The following CNTNAP2 variants were observed in gnomAD, a reference collection of about 807,000 sequenced individuals.
The protein encoded by CNTNAP2 is contactin associated protein 2.
CNTNAP2 carries 98 observed loss-of-function variants against 155.2 expected under a neutral mutation model. The observed-to-expected ratio is 0.63, with a 90% CI of 0.54 to 0.75. The LOEUF is 0.75. Ranked by LOEUF, CNTNAP2 falls within the 30% of genes least tolerant of loss-of-function variation. The pLI is 0.00. For missense variants in CNTNAP2, 1,727 were observed against 1,688.1 expected (o/e 1.02, Z -0.40); for synonymous variants, 651 against 631.2 (o/e 1.03, Z -0.47).
intron 8 of CNTNAP2, among the ~76,000 whole-genome samples, chr7:147,191,092 G>A (rs1802672252): frequency 6.6e-6 from 1 of 152,124 alleles, no homozygotes; most frequent in Non-Finnish European, 1.5e-5. Context: ...GACTCACCAT[G>A]TACAGTCTAG....
intron 1 of CNTNAP2, among the ~76,000 whole-genome samples, chr7:146,747,750 G>A (rs1801833396): frequency 6.6e-6 from 1 of 151,940 alleles, no homozygotes; most frequent in African/African-American, 2.4e-5. Context: ...AAACAAATAC[G>A]GATTCCTAAA....
chr7:146,686,354 C>T (rs2642490), intron 1 of CNTNAP2, among the ~76,000 whole-genome samples: 121,756 of 152,074 alleles, frequency 0.8, 49,326 homozygotes, highest in South Asian at 0.91. Context: ...TGCGATTGTA[C>T]GTAGCCTGTA....
At chr7:147,566,393 G>A (rs1800171855) in intron 12 of CNTNAP2, among the ~76,000 whole-genome samples, 1 of 150,072 alleles carries the variant, frequency 6.7e-6, no homozygotes, top group Non-Finnish European at 1.5e-5. Context: ...GGGGGATGAG[G>A]AATTAGTCCG....
In CNTNAP2 at chr7:146,395,821, AT is replaced by A. The variant is rs763354007; in HGVS notation, c.97+278849del. On this transcript the variant is annotated intron_variant, in intron 1 of 23. Coordinates refer to ENST00000361727, the MANE Select transcript of CNTNAP2 (RefSeq NM_014141.6). ...GATAGATAGATAGATAGATAGATAG[AT>A]AGAGGAGAGAGAGAGAGAGAGAGAG... Among the ~76,000 whole-genome samples, 1,002 of 136,350 alleles carry A rather than the reference AT, an allele frequency of 7.3e-3. 4 individuals carry two copies. The highest frequency in any genetic ancestry group is 9.8e-3 in the Non-Finnish European group (646 of 66,012). 89.5% of individuals were successfully genotyped at this position (136,350 alleles called of 152,430 possible). A position where few individuals can be genotyped will look rare whatever the true frequency, so the allele number is the denominator to read the frequency against.
Position 148,409,371 on chromosome 7 carries a change from G to A in CNTNAP2, c.3716-20G>A. 8.7e-7 allele frequency: 1 copy of A among 1,147,296 alleles called. No individual in the cohort carries two copies. Among genetic ancestry groups the A allele is most frequent in the Non-Finnish European group, 1.2e-6 (1 of 805,784 alleles). 71.1% of individuals were successfully genotyped at this position (1,147,296 alleles called of 1,614,324 possible). On this transcript the variant is annotated intron_variant, in intron 22 of 23. Coordinates refer to ENST00000361727, the MANE Select transcript of CNTNAP2 (RefSeq NM_014141.6). ...AATAGTATACTTGACTCTGACACTTGACTCTTTCTTTCTCTACAGCCAGTG... is the reference window on the plus strand; with the variant it reads ...AATAGTATACTTGACTCTGACACTTAACTCTTTCTTTCTCTACAGCCAGTG...
chr7:148,074,165 G>A (rs183775857), intron 15 of CNTNAP2, among the ~76,000 whole-genome samples: 172 of 152,262 alleles, frequency 1.1e-3, no homozygotes, highest in Non-Finnish European at 2.0e-3. Flanking sequence ...TTAGATGGTG[G>A]CGTTAGAGTG....
chr7:146,789,599 C>CAAAA (rs35157587), intron 2 of CNTNAP2, among the ~76,000 whole-genome samples: 1 of 122,910 alleles, frequency 8.1e-6, no homozygotes, highest in Non-Finnish European at 1.7e-5. Flanking sequence ...GGGTGGCAGG[C>CAAAA]AAAAAAAAAA....
intron 18 of CNTNAP2, among the ~76,000 whole-genome samples, chr7:148,213,128 C>A (rs1038449142): frequency 1.3e-5 from 2 of 152,166 alleles, no homozygotes; most frequent in Non-Finnish European, 2.9e-5. Flanking sequence ...AGGTACACTA[C>A]CCTGCCTCAG....
intron 3 of CNTNAP2, among the ~76,000 whole-genome samples, chr7:146,993,074 G>T (rs1798239101): frequency 3.3e-5 from 5 of 152,168 alleles, no homozygotes; most frequent in Admixed American, 3.3e-4. Context: ...ACGCAGGAGA[G>T]ATGGAGGCAA....
intron 14 of CNTNAP2, among the ~76,000 whole-genome samples, chr7:147,939,535 G>T (rs1055130202): frequency 6.6e-6 from 1 of 152,024 alleles, no homozygotes; most frequent in Non-Finnish European, 1.5e-5. Context: ...CACCATGTTG[G>T]CCAAGCTGGT....
intron 21 of CNTNAP2, among the ~76,000 whole-genome samples, chr7:148,375,010 C>T (rs1160525546): frequency 6.6e-6 from 1 of 152,112 alleles, no homozygotes; most frequent in Non-Finnish European, 1.5e-5. Flanking sequence ...GACAGGGCAC[C>T]TGAGGCTGAG....
At chr7:146,257,178 G>C (rs1314930862) in intron 1 of CNTNAP2, among the ~76,000 whole-genome samples, 3 of 152,170 alleles carry the variant, frequency 2.0e-5, no homozygotes, top group South Asian at 4.1e-4. Flanking sequence ...TGCTGTAAGA[G>C]AGTGAAGTCT....
At chr7:148,259,824 A>G (rs11980200) in intron 20 of CNTNAP2, among the ~76,000 whole-genome samples, 53,851 of 152,212 alleles carry the variant, frequency 0.35, 9,747 homozygotes, top group Middle Eastern at 0.43. Context: ...GGTCCTGCCT[A>G]AATCAGTATG....
chr7:147,387,253 C>A (rs552669303), intron 9 of CNTNAP2, among the ~76,000 whole-genome samples: 1 of 152,290 alleles, frequency 6.6e-6, no homozygotes, highest in Non-Finnish European at 1.5e-5. Context: ...CCCTGTTTTT[C>A]TGATTCTCCA....
intron 1 of CNTNAP2, among the ~76,000 whole-genome samples, chr7:146,508,727 T>C (rs1346608809): frequency 6.6e-6 from 1 of 152,152 alleles, no homozygotes; most frequent in African/African-American, 2.4e-5. Flanking sequence ...TGGGACATGG[T>C]CAAGCAGCAT....
At chr7:146,964,441 C>T (rs1248833094) in intron 3 of CNTNAP2, among the ~76,000 whole-genome samples, 1 of 152,114 alleles carries the variant, frequency 6.6e-6, no homozygotes, top group Non-Finnish European at 1.5e-5. Flanking sequence ...CAAAGGTATT[C>T]ACTGTGTTCA....
intron 12 of CNTNAP2, among the ~76,000 whole-genome samples, chr7:147,596,442 T>C (rs1434168820): frequency 6.6e-6 from 1 of 152,012 alleles, no homozygotes; most frequent in Non-Finnish European, 1.5e-5. Flanking sequence ...ACAGACAGAG[T>C]GATCTTTTAA....
chr7:147,620,277 G>A (rs1016729921), intron 12 of CNTNAP2, among the ~76,000 whole-genome samples: 2 of 152,092 alleles, frequency 1.3e-5, no homozygotes, highest in Non-Finnish European at 2.9e-5. Flanking sequence ...AGACATCCAA[G>A]AACATCTACT....
chr7:148,280,125 A>C (rs1243148380), intron 21 of CNTNAP2, among the ~76,000 whole-genome samples: 2 of 152,106 alleles, frequency 1.3e-5, no homozygotes, highest in East Asian at 1.9e-4. Flanking sequence ...CCTGGCCAAC[A>C]TGGTGAAATC....
Sources: gnomAD v4.1 joint callset for allele counts (sites outside exome capture counted in the v4.1 genomes callset) on GRCh38, gnomAD v4.1.1 for gene constraint, MANE v1.5 for transcripts, NCBI Gene and HGNC (gene_info 2026-07-23, HGNC 2026-07-21) for gene names.